The following CPZ variants were observed in gnomAD, a reference collection of about 807,000 sequenced individuals.
CPZ encodes the protein carboxypeptidase Z.
A neutral mutation model predicts 61.8 loss-of-function variants in CPZ; 103 were observed. That is an observed-to-expected ratio of 1.67 (90% CI 1.42 to 1.96). The LOEUF (loss-of-function observed/expected upper bound fraction) is 1.96. CPZ is among the 30% of genes most tolerant of loss of function. The pLI is 0.00. For missense variants in CPZ, 1,461 were observed against 914.9 expected (o/e 1.60, Z -7.70); for synonymous variants, 551 against 373.7 (o/e 1.47, Z -5.47).
chr4:8,613,566 GC>G (rs1405514498), intron 8 of CPZ, among the ~76,000 whole-genome samples: 3 of 152,232 alleles, frequency 2.0e-5, no homozygotes, highest in Admixed American at 6.5e-5. Flanking sequence ...AGGCTCTGCG[GC>G]TCAGGAGCCT....
In CPZ at chr4:8,598,813, G is replaced by C. The variant is rs528722430; in HGVS notation, c.89-640G>C. ...CCTTACTGTTGGGTTCACATGTCTG[G>C]GTTCAGAAAGGGCCCTCGAAACCCC... is the stretch of plus-strand genomic sequence containing the variant. On this transcript the variant is annotated intron_variant, in intron 1 of 10. Transcript: ENST00000360986. 1.3e-5 allele frequency among the ~76,000 whole-genome samples: 2 copies of C among 152,210 alleles called. 1 individual carries two copies. Among genetic ancestry groups the C allele is most frequent in the African/African-American group, 4.8e-5 (2 of 41,448 alleles).
At chr4:8,601,708 G>A (rs937595857) in intron 3 of CPZ, among the ~76,000 whole-genome samples, 2 of 152,270 alleles carry the variant, frequency 1.3e-5, no homozygotes, top group African/African-American at 4.8e-5. Flanking sequence ...GGATCCTCTC[G>A]CTGCCCAGGG....
In CPZ at chr4:8,619,290, G is replaced by A. The variant is rs1716476258; in HGVS notation, c.1632G>A (p.Leu544=). Residue 544 remains leucine (L), a synonymous_variant, in exon 11 of 11, where the codon CTG becomes CTA. Transcript: ENST00000360986. ...TAPDGDYWRL[L]PPGIHIVIAQ... is the part of the protein sequence containing the mutation. ...CAGATGGTGACTACTGGAGACTGCT[G>A]CCCCCAGGTATCCACATTGTCATTG... 2 of 1,613,304 alleles carry A rather than the reference G, an allele frequency of 1.2e-6. No homozygotes were observed. The highest frequency in any genetic ancestry group is 1.1e-5 in the South Asian group (1 of 90,876).
At position 8,606,008 on chromosome 4, in the gene CPZ, C is replaced by T. The variant is rs140064374; in HGVS notation, c.729C>T (p.Leu243=). The stretch of plus-strand genomic sequence containing the variant: ...CCCCAGTGGAGCCCGAGGTGAAGCT[C>T]ATCGGCAACATTCATGGCAACGAGG... ...QHELMEPEVK[L]IGNIHGNEVA... Residue 243 remains leucine, a synonymous_variant, in exon 5 of 11, where the codon CTC becomes CTT. Transcript: ENST00000360986. 279 of 1,613,742 alleles carry T rather than the reference C, an allele frequency of 1.7e-4. 1 individual carries two copies. The highest frequency in any genetic ancestry group is 8.3e-5 in the Admixed American group (5 of 59,996).
chr4:8,596,437 G>A (rs550042540), intron 1 of CPZ, among the ~76,000 whole-genome samples: 7 of 152,330 alleles, frequency 4.6e-5, no homozygotes, highest in East Asian at 1.9e-4. Flanking sequence ...TGCACATGGC[G>A]GCCAGTGGAA....
In CPZ at chr4:8,618,467, C is replaced by A; in HGVS notation, c.1542C>A (p.Phe514Leu). ...RGIKGVVTDK[F>L]GKPVKNARIS... ...TCAAAGGTGTGGTGACAGATAAATT[C>A]GGCAAGCCAGTCAAAAACGCCCGGA... The change falls in exon 10 of 11, where the codon TTC (phenylalanine) becomes TTA (leucine). Residue 514 changes from phenylalanine to leucine, a missense_variant. Physicochemically the swap from Phe to Leu is conservative, Grantham distance 22. Coordinates refer to ENST00000360986, the MANE Select transcript of CPZ (RefSeq NM_001014447.3). 1 of 1,614,178 alleles carries A rather than the reference C, an allele frequency of 6.2e-7. No homozygotes were observed. Among genetic ancestry groups the A allele is most frequent in the Non-Finnish European group, 8.5e-7 (1 of 1,180,032 alleles).
chr4:8,608,687 G>C (rs563524664), intron 7 of CPZ, among the ~76,000 whole-genome samples: 14 of 136,816 alleles, frequency 1.0e-4, no homozygotes, highest in African/African-American at 3.0e-4. Context: ...TGTTGGGGTG[G>C]GGAACCCCCA....
rs548623673 is a variant in CPZ at position 8,607,272 on chromosome 4, C to T, written c.1074C>T (p.Ala358=). Residue 358 remains alanine (A), a synonymous_variant, in exon 7 of 11, where the codon GCC becomes GCT. Transcript: ENST00000360986. Reference sequence around the variant, plus strand: ...GCCTCGTCTGTCCTGGGCAGGTGGCCCCGGAGACAAAGGCAATCATGAAGT... The same window carrying T: ...GCCTCGTCTGTCCTGGGCAGGTGGCTCCGGAGACAAAGGCAATCATGAAGT... ...IPQHYWWGKV[A]PETKAIMKWM... 3 of 1,613,978 alleles carry T rather than the reference C, an allele frequency of 1.9e-6. No individual in the cohort carries two copies. The highest frequency in any genetic ancestry group is 4.5e-5 in the East Asian group (2 of 44,868).
At chr4:8,593,231 G>A (rs920383824) in intron 1 of CPZ, among the ~76,000 whole-genome samples, 1 of 152,336 alleles carries the variant, frequency 6.6e-6, no homozygotes, top group East Asian at 1.9e-4. Context: ...CGCCCTGCAG[G>A]TGGGTTCGAG....
chr4:8,595,643 C>A (rs928260990), intron 1 of CPZ, among the ~76,000 whole-genome samples: 14 of 152,260 alleles, frequency 9.2e-5, no homozygotes, highest in African/African-American at 3.1e-4. Context: ...CTTGTGGCCA[C>A]AGCAGCACCC....
intron 2 of CPZ, 36 bp downstream of exon 2, chr4:8,599,521 A>G (rs1259173798): frequency 6.2e-7 from 1 of 1,611,850 alleles, no homozygotes; most frequent in African/African-American, 1.3e-5. Context: ...TCTGTTCTGT[A>G]GGAGGGCTGC....
rs527569972 is a variant in CPZ at position 8,619,740 on chromosome 4, T to A, written c.*123T>A. ...AGCCGCTGCCATTTTATTAAAGTGTTTTGATCCACTTTGCACTGGAATGAG... is the reference window on the plus strand; with the variant it reads ...AGCCGCTGCCATTTTATTAAAGTGTATTGATCCACTTTGCACTGGAATGAG... On this transcript the variant is annotated 3_prime_UTR_variant, in exon 11 of 11. Transcript: ENST00000360986. 142 of 760,032 alleles carry A rather than the reference T, an allele frequency of 1.9e-4. No individual in the cohort carries two copies. The highest frequency in any genetic ancestry group is 2.4e-4 in the Non-Finnish European group (121 of 504,976). The allele number at this position is 760,032 out of a possible 1,614,324, so 47.1% of individuals were successfully genotyped here.
chr4:8,601,196 T>TCCC lies in CPZ; in HGVS notation c.196_197insCCC (p.Leu65_Gln66insPro). 1 of 1,612,794 alleles carries TCCC rather than the reference T, an allele frequency of 6.2e-7. No homozygotes were observed. Among genetic ancestry groups the TCCC allele is most frequent in the East Asian group, 2.2e-5 (1 of 44,862 alleles). ...ACCACACCACCTTCCCCAACCTGCT[T>TCCC]CAGCACCGGTCGTGGGAGGTGGTGG... On this transcript the variant is annotated inframe_insertion, in exon 3 of 11. Coordinates refer to ENST00000360986, the MANE Select transcript of CPZ (RefSeq NM_001014447.3).
intron 3 of CPZ, chr4:8,602,779 G>A (rs10006470): frequency 0.034 from 5,156 of 152,498 alleles, 240 homozygotes; most frequent in African/African-American, 0.1. Context: ...CACCCGGGCC[G>A]GGCTCCAGCA....
At chr4:8,602,135 CTGGGCCACCA>C (rs1004110805) in intron 3 of CPZ, 10 of 152,316 alleles carry the variant, frequency 6.6e-5, no homozygotes, top group African/African-American at 2.2e-4. Flanking sequence ...GTGGGCAAGA[CTGGGCCACCA>C]TGGGCCACTT....
chr4:8,616,757 G>A (rs932509773), intron 9 of CPZ, among the ~76,000 whole-genome samples: 2 of 152,298 alleles, frequency 1.3e-5, no homozygotes, highest in East Asian at 3.9e-4. Context: ...TCTCATGCAG[G>A]AAAACCTTAC....
chr4:8,609,154 C>CTCACTTCTCATTAACTCAGCCATTCA (rs1715363351), intron 7 of CPZ, among the ~76,000 whole-genome samples: 1 of 44,352 alleles, frequency 2.3e-5, no homozygotes, highest in Non-Finnish European at 3.9e-5. Context: ...TCACCCACTC[C>CTCACTTCTCATTAACTCAGCCATTCA]CTCACTCATT....
chr4:8,616,360 G>A (rs1419574189), intron 9 of CPZ, among the ~76,000 whole-genome samples: 1 of 152,158 alleles, frequency 6.6e-6, no homozygotes, highest in Non-Finnish European at 1.5e-5. Context: ...GTGACCCGTG[G>A]GCCCAAGAGC....
At chr4:8,606,999 C>A (rs1263337741) in intron 6 of CPZ, 101 bp downstream of exon 6, 1 of 1,330,478 alleles carries the variant, frequency 7.5e-7, no homozygotes, top group South Asian at 1.4e-5. Flanking sequence ...GACAGGAGAG[C>A]CTGGTGCTCC....
Sources: allele counts gnomAD v4.1 joint callset (sites outside exome capture counted in the v4.1 genomes callset), GRCh38; gene constraint gnomAD v4.1.1; transcripts MANE v1.5; gene names NCBI Gene and HGNC (gene_info 2026-07-23, HGNC 2026-07-21).